Variants in AGBL1 observed in about 807,000 individuals in gnomAD.
The protein encoded by AGBL1 is cytosolic carboxypeptidase 4.
A neutral mutation model predicts 118.9 loss-of-function variants in AGBL1; 130 were observed. The observed-to-expected ratio is 1.09, with a 90% CI of 0.95 to 1.26. AGBL1 has a LOEUF of 1.26. Ranked by LOEUF, AGBL1 falls within the 50% of genes most tolerant of loss-of-function variation. The probability of loss-of-function intolerance (pLI) is 0.00; values close to 1 mark genes in which losing one functional copy is unlikely to be tolerated. For missense variants in AGBL1, 1,584 were observed against 1,298.1 expected, an observed-to-expected ratio of 1.22 and a Z score of -3.38; for synonymous variants, 555 against 478.9, an observed-to-expected ratio of 1.16 and a Z score of -2.08.
chr15:86,530,527 A>T (rs2083334834), intron 19 of AGBL1, among the ~76,000 whole-genome samples: 1 of 136,982 alleles, frequency 7.3e-6, no homozygotes, highest in Admixed American at 7.0e-5. Flanking sequence ...TTAACACCCC[A>T]CTGTCAACAT....
At chr15:86,748,510 CTTTTTTTTTTTTTTT>C (rs752203969) in intron 22 of AGBL1, among the ~76,000 whole-genome samples, 17 of 9,776 alleles carry the variant, frequency 1.7e-3, no homozygotes, top group East Asian at 5.8e-3. Context: ...TCAATTTTGG[CTTTTTTTTTTTTTTT>C]TTTTTTTTTT....
chr15:86,176,420 G>C (rs1427454415), intron 5 of AGBL1, among the ~76,000 whole-genome samples: 1 of 152,242 alleles, frequency 6.6e-6, no homozygotes, highest in Non-Finnish European at 1.5e-5. Flanking sequence ...CAAGGTTGCT[G>C]TCAGTGGCAG....
intron 24 of AGBL1, among the ~76,000 whole-genome samples, chr15:87,020,181 G>T (rs1268321842): frequency 6.6e-6 from 1 of 151,878 alleles, no homozygotes; most frequent in Non-Finnish European, 1.5e-5. Flanking sequence ...TCTACCAGAG[G>T]TACAAACAAG....
intron 22 of AGBL1, among the ~76,000 whole-genome samples, chr15:86,701,825 T>C (rs985344637): frequency 7.1e-6 from 1 of 140,474 alleles, no homozygotes; most frequent in South Asian, 2.4e-4. Context: ...CCACCTCTCC[T>C]CCTTTCCACT....
intron 21 of AGBL1, among the ~76,000 whole-genome samples, chr15:86,606,912 T>C (rs2084584853): frequency 6.6e-6 from 1 of 152,184 alleles, no homozygotes; most frequent in East Asian, 1.9e-4. Context: ...TCCTATGTTG[T>C]AGTGTCATAT....
chr15:86,694,100 G>A (rs2218956), intron 22 of AGBL1, among the ~76,000 whole-genome samples: 81,905 of 151,712 alleles, frequency 0.54, 22,759 homozygotes, highest in Non-Finnish European at 0.6. Flanking sequence ...TTCCATATGA[G>A]TTTTAGGATT....
At chr15:86,391,395 T>C (rs557989153) in intron 17 of AGBL1, among the ~76,000 whole-genome samples, 1 of 152,270 alleles carries the variant, frequency 6.6e-6, no homozygotes, top group South Asian at 2.1e-4. Context: ...TTATTTTTTT[T>C]CTCAGAATCT....
intron 15 of AGBL1, among the ~76,000 whole-genome samples, chr15:86,272,411 T>A (rs1348893383): frequency 6.6e-6 from 1 of 152,190 alleles, no homozygotes; most frequent in Non-Finnish European, 1.5e-5. Flanking sequence ...AGAGGTAGAA[T>A]ATATATAATT....
At chr15:86,690,348 A>C (rs888823885) in intron 22 of AGBL1, among the ~76,000 whole-genome samples, 3 of 152,166 alleles carry the variant, frequency 2.0e-5, no homozygotes, top group African/African-American at 7.2e-5. Context: ...AAGACTTAAA[A>C]GTATGAATTT....
rs780288036 is a variant in AGBL1, at chr15:86,636,758, T to TATATATATACAC, written c.2995-37514_2995-37513insTATATATACACA. Among the ~76,000 whole-genome samples the TATATATATACAC allele has an allele frequency of 2.3e-4, 7 of 29,988 alleles. 1 individual carries two copies. The highest frequency in any genetic ancestry group is 3.6e-4 in the Non-Finnish European group (6 of 16,468). 19.7% of individuals were successfully genotyped at this position (29,988 alleles called of 152,430 possible). On this transcript the variant is annotated intron_variant, in intron 21 of 22. Transcript: ENST00000614907. Reference sequence around the variant, plus strand: ...ATATATATATATATATATATATATATACACATACATACAGAAAGGCAAGAG... The same window carrying TATATATATACAC: ...ATATATATATATATATATATATATATATATATATACACACACATACATACAGAAAGGCAAGAG...
At chr15:86,416,565 T>A (rs970348053) in intron 18 of AGBL1, among the ~76,000 whole-genome samples, 5 of 151,176 alleles carry the variant, frequency 3.3e-5, no homozygotes, top group African/African-American at 7.4e-5. Context: ...TGGGGAACAC[T>A]TTTTTATAAA....
chr15:86,129,281 G>T (rs959350443), intron 1 of AGBL1, among the ~76,000 whole-genome samples: 1 of 152,176 alleles, frequency 6.6e-6, no homozygotes, highest in South Asian at 2.1e-4. Flanking sequence ...CTCTGTGTGT[G>T]TGCGTTTGTG....
At chr15:86,573,972 A>C (rs561085353) in intron 21 of AGBL1, among the ~76,000 whole-genome samples, 1 of 152,366 alleles carries the variant, frequency 6.6e-6, no homozygotes, top group African/African-American at 2.4e-5. Flanking sequence ...TGTATAGTTT[A>C]CAAAACATTT....
intron 21 of AGBL1, among the ~76,000 whole-genome samples, chr15:86,581,409 GT>G (rs1469406397): frequency 2.0e-5 from 3 of 152,024 alleles, no homozygotes; most frequent in Non-Finnish European, 4.4e-5. Context: ...TTTCTTATAA[GT>G]TTTCTCATTC....
intron 1 of AGBL1, among the ~76,000 whole-genome samples, chr15:86,114,170 G>T (rs1263324512): frequency 6.6e-6 from 1 of 152,168 alleles, no homozygotes; most frequent in Admixed American, 6.5e-5. Context: ...CCAATTAAGG[G>T]ACTCTTTATA....
intron 22 of AGBL1, among the ~76,000 whole-genome samples, chr15:86,872,159 T>G (rs1488849154): frequency 6.6e-6 from 1 of 152,230 alleles, no homozygotes; most frequent in Non-Finnish European, 1.5e-5. Context: ...TCAGGACAGC[T>G]GTAGTAGTCA....
rs566927240 is a variant in AGBL1, at chr15:86,819,697, T to TATGAAAA, written c.3159-87389_3159-87383dup. Among the ~76,000 whole-genome samples the TATGAAAA allele has an allele frequency of 2.1e-3, 320 of 152,192 alleles. 1 individual carries two copies. The highest frequency in any genetic ancestry group is 7.4e-3 in the African/African-American group (307 of 41,518). On this transcript the variant is annotated intron_variant, in intron 22 of 22. Transcript: ENST00000614907. ...GCTCATGGAGAGGCAGAATCTACAT[T>TATGAAAA]ATGAAAATGGCTATACTGCCCAAAG... is the stretch of plus-strand genomic sequence containing the variant.
chr15:86,770,419 G>T (rs2078160555), intron 22 of AGBL1, among the ~76,000 whole-genome samples: 1 of 151,920 alleles, frequency 6.6e-6, no homozygotes, highest in African/African-American at 2.4e-5. Flanking sequence ...CTGTGTAGAA[G>T]CTACAGCTGC....
At chr15:86,389,407 C>T (rs987082634) in intron 17 of AGBL1, among the ~76,000 whole-genome samples, 5 of 152,128 alleles carry the variant, frequency 3.3e-5, no homozygotes, top group Admixed American at 6.6e-5. Flanking sequence ...AAGGGTGATA[C>T]GATTTTATGC....
Sources: allele counts gnomAD v4.1 joint callset (sites outside exome capture counted in the v4.1 genomes callset), GRCh38; gene constraint gnomAD v4.1.1; transcripts MANE v1.5; gene names NCBI Gene and HGNC (gene_info 2026-07-23, HGNC 2026-07-21).